The following PPP1R16A variants were observed in gnomAD, a reference collection of about 807,000 sequenced individuals.
The protein encoded by PPP1R16A is protein phosphatase 1 regulatory subunit 16A.
In PPP1R16A, 39 loss-of-function variants were observed where a neutral mutation model predicts 46.6. The observed-to-expected ratio is 0.84, with a 90% CI of 0.65 to 1.09. The LOEUF (loss-of-function observed/expected upper bound fraction) is 1.09, where lower values mean the gene tolerates loss of function less well. PPP1R16A is among the 50% of genes least tolerant of loss of function. The probability of loss-of-function intolerance (pLI) is 0.00; values close to 1 mark genes in which losing one functional copy is unlikely to be tolerated. For missense variants in PPP1R16A, 798 were observed against 735.6 expected (o/e 1.08, Z -0.98); for synonymous variants, 413 against 321.5 (o/e 1.28, Z -3.04).
At chr8:144,498,155 G>C in intron 3 of PPP1R16A, 1 of 445,062 alleles carries the variant, frequency 2.2e-6, no homozygotes, top group Non-Finnish European at 4.6e-6. Context: ...GAGCCCTCCC[G>C]GGAGGCCTGG....
At chr8:144,485,654 G>A (rs1825605879) in intron 1 of PPP1R16A, among the ~76,000 whole-genome samples, 1 of 152,210 alleles carries the variant, frequency 6.6e-6, no homozygotes, top group Admixed American at 6.5e-5. Context: ...AGCAGTTCAA[G>A]GGGATGTTGA....
chr8:144,484,370 A>C (rs147103286), intron 1 of PPP1R16A, among the ~76,000 whole-genome samples: 1,913 of 152,324 alleles, frequency 0.013, 41 homozygotes, highest in African/African-American at 0.041. Context: ...TAGAGCTATG[A>C]GGCTGAATGA....
At chr8:144,482,582 G>T (rs907682793) in intron 1 of PPP1R16A, among the ~76,000 whole-genome samples, 1 of 151,142 alleles carries the variant, frequency 6.6e-6, no homozygotes, top group African/African-American at 2.4e-5. Flanking sequence ...AACCTCCCGG[G>T]TTTAAGCAGT....
chr8:144,491,579 C>T (rs1408772720), intron 2 of PPP1R16A, among the ~76,000 whole-genome samples: 2 of 151,954 alleles, frequency 1.3e-5, no homozygotes, highest in African/African-American at 4.8e-5. Flanking sequence ...CTGGCTAACA[C>T]GGTGAAACCC....
In PPP1R16A at chr8:144,501,020, G is replaced by A. The variant is rs944658257; in HGVS notation, c.1037+49G>A. On this transcript the variant is annotated intron_variant, in intron 10 of 11. Coordinates refer to ENST00000435887, the MANE Select transcript of PPP1R16A (RefSeq NM_001329443.2). ...CCGCCCCGGGCTTGGCCCCGCGGAC[G>A]TCAGCCCCGGGCGGAGTGCCAGCCG... 4.7e-6 allele frequency: 7 copies of A among 1,484,012 alleles called. No homozygotes were observed. In the African/African-American group the frequency reaches 8.5e-5, roughly 18 times the overall value. 91.9% of individuals were successfully genotyped at this position (1,484,012 alleles called of 1,614,324 possible). A position where few individuals can be genotyped will look rare whatever the true frequency, so the allele number is the denominator to read the frequency against.
At chr8:144,492,998 G>T (rs1015634479) in intron 2 of PPP1R16A, among the ~76,000 whole-genome samples, 1 of 152,136 alleles carries the variant, frequency 6.6e-6, no homozygotes, top group African/African-American at 2.4e-5. Context: ...GTCTCCCCAT[G>T]TGGAAGATGG....
chr8:144,497,440 TG>T lies in PPP1R16A; in HGVS notation c.247del (p.Asp83ThrfsTer23). On this transcript the variant is annotated frameshift_variant, in exon 3 of 12. Transcript: ENST00000435887. LOFTEE classifies it high-confidence loss of function. ...TCCTTCTGGAGGCCGCTGCCCGAAA[TG>T]ACCTGGAAGAAGGTGAGTGTGGCTG... Reference protein sequence around the residue: ...VVLLEAAARNDLEEVRQFLGS... With the variant: ...VVLLEAAARNXLEEVRQFLGS... 1 of 1,612,888 alleles carries T rather than the reference TG, an allele frequency of 6.2e-7. No homozygotes were observed. The highest frequency in any genetic ancestry group is 8.5e-7 in the Non-Finnish European group (1 of 1,179,984).
chr8:144,501,883 C>T lies in PPP1R16A; in HGVS notation c.1567C>T (p.Pro523Ser). The T allele has an allele frequency of 1.3e-6, 2 of 1,534,130 alleles. No homozygotes were observed. Among genetic ancestry groups the T allele is most frequent in the Non-Finnish European group, 1.8e-6 (2 of 1,140,608 alleles). ...GGTGGAGGCTCCCGTGGAGAGGAGG[C>T]CGTGCTGCCTGCTCATGTGAGGCTG... The part of the protein sequence containing the change: ...PAVEAPVERR[P>S]CCLLM The change falls in exon 12 of 12, where the codon CCG (proline) becomes TCG (serine). Residue 523 changes from proline to serine, a missense_variant. Coordinates refer to ENST00000435887, the MANE Select transcript of PPP1R16A (RefSeq NM_001329443.2).
intron 3 of PPP1R16A, chr8:144,497,726 G>A (rs1024764863): frequency 3.1e-5 from 18 of 582,076 alleles, no homozygotes; most frequent in Non-Finnish European, 5.3e-5. Context: ...GTGAGCTGAG[G>A]CCATGAGTGG....
At chr8:144,481,530 G>A (rs1306995204) in intron 1 of PPP1R16A, among the ~76,000 whole-genome samples, 1 of 151,852 alleles carries the variant, frequency 6.6e-6, no homozygotes, top group Non-Finnish European at 1.5e-5. Flanking sequence ...TGTAATTCCA[G>A]CTACTCGGGA....
chr8:144,502,026 G>T lies in PPP1R16A; in HGVS notation c.*123G>T. 1.0e-6 allele frequency: 1 copy of T among 977,412 alleles called. No homozygotes were observed. Among genetic ancestry groups the T allele is most frequent in the South Asian group, 1.8e-5 (1 of 55,236 alleles). 60.5% of individuals were successfully genotyped at this position (977,412 alleles called of 1,614,324 possible). On this transcript the variant is annotated 3_prime_UTR_variant, in exon 12 of 12. Transcript: ENST00000435887. The stretch of plus-strand genomic sequence containing the variant: ...CCGGCTTCTACTGTACAGGACACTG[G>T]CCCCTCTCAGGTCAGAAGACATGCC...
At chr8:144,491,891 C>A (rs1315535252) in intron 2 of PPP1R16A, among the ~76,000 whole-genome samples, 1 of 152,026 alleles carries the variant, frequency 6.6e-6, no homozygotes, top group Non-Finnish European at 1.5e-5. Flanking sequence ...GTGATTGCAC[C>A]ACTGCACCCC....
At chr8:144,498,705 G>GAAGC in intron 3 of PPP1R16A, 65 bp from the exon 4 acceptor site, 1 of 1,483,592 alleles carries the variant, frequency 6.7e-7, no homozygotes, top group Non-Finnish European at 9.1e-7. Context: ...GTCCTGGGCC[G>GAAGC]AAGCACAGTT....
intron 2 of PPP1R16A, among the ~76,000 whole-genome samples, chr8:144,491,782 G>T (rs1315195341): frequency 1.4e-5 from 2 of 139,854 alleles, no homozygotes; most frequent in African/African-American, 5.4e-5. Flanking sequence ...AAAAAAAAAA[G>T]TTAGCCGGGT....
At chr8:144,481,152 A>G (rs922812753) in intron 1 of PPP1R16A, among the ~76,000 whole-genome samples, 10 of 151,132 alleles carry the variant, frequency 6.6e-5, no homozygotes, top group Non-Finnish European at 8.9e-5. Context: ...GGCCTCCCAA[A>G]GTGCTGGGAT....
At chr8:144,494,333 A>G (rs1314700679) in intron 2 of PPP1R16A, among the ~76,000 whole-genome samples, 1 of 151,200 alleles carries the variant, frequency 6.6e-6, no homozygotes, top group African/African-American at 2.4e-5. Flanking sequence ...TTTTTTTTTG[A>G]GACAGGATCG....
chr8:144,497,797 A>G, intron 3 of PPP1R16A: 1 of 426,724 alleles, frequency 2.3e-6, no homozygotes, highest in Non-Finnish European at 4.4e-6. Flanking sequence ...GGTGGCCGGT[A>G]GTCATTGCTG....
Position 144,500,104 on chromosome 8 carries a change from A to G in PPP1R16A, c.485A>G (p.Asn162Ser), listed in dbSNP as rs775390666. The change falls in exon 6 of 12, where the codon AAT (asparagine) becomes AGT (serine). Residue 162 changes from asparagine (N) to serine (S), a missense_variant. Asn to Ser is a conservative substitution (Grantham distance 46). Transcript: ENST00000435887. ...GTCCGTCTTCCCTGCAGTGGCGCCA[A>G]TCTCCTGGCGGTCAACACCGACGGG... ...LVELLIASGA[N>S]LLAVNTDGNM... 3 of 1,609,402 alleles carry G rather than the reference A, an allele frequency of 1.9e-6. No homozygotes were observed. The highest frequency in any genetic ancestry group is 2.5e-6 in the Non-Finnish European group (3 of 1,178,052).
chr8:144,498,276 G>A (rs780393653), intron 3 of PPP1R16A: 1 of 356,294 alleles, frequency 2.8e-6, no homozygotes, highest in African/African-American at 2.1e-5. Context: ...TGACCTGGGC[G>A]AGAGCTGGGC....
Sources: gnomAD v4.1 joint callset for allele counts (sites outside exome capture counted in the v4.1 genomes callset) on GRCh38, gnomAD v4.1.1 for gene constraint, MANE v1.5 for transcripts, NCBI Gene and HGNC (gene_info 2026-07-23, HGNC 2026-07-21) for gene names.